Variants in LARP1 observed in about 807,000 individuals in gnomAD.
LARP1 encodes La ribonucleoprotein 1, translational regulator.
Under a neutral mutation model 122.7 loss-of-function variants are expected in LARP1, and 36 were observed. The ratio of observed to expected loss-of-function variants is 0.29; its 90% CI spans 0.22 to 0.39. The LOEUF is 0.39. Ranked by LOEUF, LARP1 falls within the 10% of genes least tolerant of loss-of-function variation. The probability of loss-of-function intolerance (pLI) is 1.00; values close to 1 mark genes in which losing one functional copy is unlikely to be tolerated. For missense variants in LARP1, 1,040 were observed against 1,403.6 expected (o/e 0.74, Z 4.14); for synonymous variants, 539 against 528.7 (o/e 1.02, Z -0.27).
intron 1 of LARP1, among the ~76,000 whole-genome samples, chr5:154,787,819 T>G (rs1378969072): frequency 6.6e-6 from 1 of 150,964 alleles, no homozygotes; most frequent in Non-Finnish European, 1.5e-5. Flanking sequence ...TCAGACTGTT[T>G]GTATTCTCAT....
At chr5:154,725,123 G>A (rs766419366) in intron 1 of LARP1, among the ~76,000 whole-genome samples, 1 of 152,102 alleles carries the variant, frequency 6.6e-6, no homozygotes, top group Non-Finnish European at 1.5e-5. Flanking sequence ...TGGATGCGGT[G>A]GCTCACACCT....
At chr5:154,800,481 A>G (rs1367753273) in intron 10 of LARP1, among the ~76,000 whole-genome samples, 2 of 152,146 alleles carry the variant, frequency 1.3e-5, no homozygotes, top group African/African-American at 2.4e-5. Flanking sequence ...TGGCCCAAAT[A>G]TGGAGTTAGT....
At chr5:154,778,258 T>TAAAAAA (rs577057003) in intron 1 of LARP1, among the ~76,000 whole-genome samples, 1 of 119,708 alleles carries the variant, frequency 8.4e-6, no homozygotes, top group African/African-American at 3.1e-5. Context: ...AGACTCCGTC[T>TAAAAAA]AAAAAAAAAA....
At chr5:154,812,470 C>T (rs1759352398) in intron 18 of LARP1, among the ~76,000 whole-genome samples, 1 of 148,190 alleles carries the variant, frequency 6.7e-6, no homozygotes, top group South Asian at 2.2e-4. Flanking sequence ...CACATGGTGG[C>T]AGCAAGGAGA....
At position 154,712,972 on chromosome 5, in the gene LARP1, C is replaced by T. The variant is rs1159354417; in HGVS notation, c.47C>T (p.Pro16Leu). Residue 16 changes from proline (P) to leucine (L), a missense_variant, in exon 1 of 19, where the codon CCA becomes CTA. Coordinates refer to the LARP1 transcript ENST00000336314. ...TCAAAGAGGCCTCCTTTCCCTCACC[C>T]AGAGCTGGATTTCCAAGAGGCTCCC... 1.9e-6 allele frequency: 3 copies of T among 1,614,180 alleles called. No homozygotes were observed. In the Admixed American group the frequency reaches 5.0e-5, roughly 27 times the overall value.
In LARP1 at chr5:154,804,448, G is replaced by A. The variant is rs1758591585; in HGVS notation, c.2546+141G>A. 8.9e-6 allele frequency: 6 copies of A among 675,494 alleles called. No homozygotes were observed. The South Asian group carries it at 1.1e-4, about 12-fold the overall frequency. 41.8% of individuals were successfully genotyped at this position (675,494 alleles called of 1,614,324 possible). A position where few individuals can be genotyped will look rare whatever the true frequency, so the allele number is the denominator to read the frequency against. On this transcript the variant is annotated intron_variant, in intron 14 of 18. Transcript: ENST00000518297. ...AGGTTTTCAAAAAACCAGTGGTGTG[G>A]AAAGCTCAGCCCAGGACCTGGGAAT...
chr5:154,711,215 C>A (rs1317163715), upstream of LARP1, among the ~76,000 whole-genome samples: 2 of 150,992 alleles, frequency 1.3e-5, no homozygotes, highest in Non-Finnish European at 2.9e-5. Context: ...GATCTTGGCT[C>A]ACTGCAACCT....
intron 1 of LARP1, among the ~76,000 whole-genome samples, chr5:154,690,782 A>T (rs1754160483): frequency 6.6e-6 from 1 of 152,222 alleles, no homozygotes; most frequent in Non-Finnish European, 1.5e-5. Context: ...GCTGTGCGAC[A>T]ACGGCCTGGC....
intron 1 of LARP1, among the ~76,000 whole-genome samples, chr5:154,788,512 C>G (rs1176033594): frequency 6.6e-6 from 1 of 152,118 alleles, no homozygotes; most frequent in Admixed American, 6.5e-5. Flanking sequence ...CCAAGCCAGC[C>G]GGGCAAATTT....
chr5:154,694,219 A>G (rs1754365021), intron 1 of LARP1, among the ~76,000 whole-genome samples: 1 of 152,204 alleles, frequency 6.6e-6, no homozygotes. Flanking sequence ...TTGATTTATT[A>G]CTATAAAAAA....
chr5:154,749,974 C>T (rs777776149), intron 1 of LARP1, among the ~76,000 whole-genome samples: 1 of 152,176 alleles, frequency 6.6e-6, no homozygotes, highest in Non-Finnish European at 1.5e-5. Context: ...TTCTTCCTGC[C>T]TGTAAGCCAG....
In LARP1 at chr5:154,802,517, T is replaced by A; in HGVS notation, c.2109+118T>A. On this transcript the variant is annotated intron_variant, in intron 11 of 18. Transcript: ENST00000518297. The surrounding 1 kb of genome is among the most constrained non-coding windows in gnomAD (Gnocchi z 5.1). ...GTCCTTATAATTCAGAGTCTCAGGATTTTTATATATGGGAAGGGGATGATG... is the reference window on the plus strand; with the variant it reads ...GTCCTTATAATTCAGAGTCTCAGGAATTTTATATATGGGAAGGGGATGATG... 8.2e-7 allele frequency: 1 copy of A among 1,226,734 alleles called. No individual in the cohort carries two copies. Among genetic ancestry groups the A allele is most frequent in the South Asian group, 1.7e-5 (1 of 59,538 alleles). The allele number at this position is 1,226,734 out of a possible 1,614,324, so 76.0% of individuals were successfully genotyped here. A position where few individuals can be genotyped will look rare whatever the true frequency, so the allele number is the denominator to read the frequency against.
intron 1 of LARP1, among the ~76,000 whole-genome samples, chr5:154,726,587 A>G (rs954727041): frequency 1.3e-5 from 2 of 152,250 alleles, no homozygotes; most frequent in Non-Finnish European, 2.9e-5. Flanking sequence ...GGAGTATCAA[A>G]TGAAAATTTA....
chr5:154,762,677 G>A (rs75057381), intron 1 of LARP1, among the ~76,000 whole-genome samples: 10,783 of 152,246 alleles, frequency 0.071, 437 homozygotes, highest in Middle Eastern at 0.11. Context: ...AGTTTGATGT[G>A]CTGTTAGTAA....
At chr5:154,708,788 T>G (rs1315134934), upstream of LARP1, among the ~76,000 whole-genome samples, 6 of 152,120 alleles carry the variant, frequency 3.9e-5, no homozygotes. Flanking sequence ...ATTTTGTATT[T>G]TTAATAGAGA....
chr5:154,736,146 G>C (rs1756882894), intron 1 of LARP1, among the ~76,000 whole-genome samples: 1 of 151,618 alleles, frequency 6.6e-6, no homozygotes, highest in African/African-American at 2.4e-5. Context: ...GCCCAAGCTG[G>C]AGTGCAATGG....
intron 1 of LARP1, among the ~76,000 whole-genome samples, chr5:154,688,307 T>G (rs1316131589): frequency 2.0e-5 from 3 of 152,062 alleles, no homozygotes; most frequent in African/African-American, 7.3e-5. Flanking sequence ...CTGTTATAGA[T>G]TTATGTAAAA....
At chr5:154,747,079 G>A (rs531993260) in intron 1 of LARP1, among the ~76,000 whole-genome samples, 1 of 152,196 alleles carries the variant, frequency 6.6e-6, no homozygotes, top group South Asian at 2.1e-4. Flanking sequence ...GCAGTGAGCC[G>A]AGATCGTGCC....
At chr5:154,719,595 CT>C (rs1226753945) in intron 1 of LARP1, among the ~76,000 whole-genome samples, 1 of 152,188 alleles carries the variant, frequency 6.6e-6, no homozygotes, top group African/African-American at 2.4e-5. Flanking sequence ...GGCGTGGTGG[CT>C]CACGCCTGTA....
Sources: allele counts gnomAD v4.1 joint callset (sites outside exome capture counted in the v4.1 genomes callset), GRCh38; gene constraint gnomAD v4.1.1; non-coding constraint Gnocchi (gnomAD v3.1); transcripts MANE v1.5; gene names NCBI Gene and HGNC (gene_info 2026-07-23, HGNC 2026-07-21).